The following SEMA5A variants were observed in gnomAD, a reference collection of about 807,000 sequenced individuals.
SEMA5A encodes semaphorin 5A.
In SEMA5A, 55 loss-of-function variants were observed where a neutral mutation model predicts 135.5. That is an observed-to-expected ratio of 0.41 (90% CI 0.33 to 0.51). SEMA5A has a LOEUF of 0.51. Ranked by LOEUF, SEMA5A falls within the 20% of genes least tolerant of loss-of-function variation. The pLI, the probability that SEMA5A is intolerant of heterozygous loss-of-function variation, is 0.37. For missense variants in SEMA5A, 1,290 were observed against 1,419.9 expected, an observed-to-expected ratio of 0.91 and a Z score of 1.47; for synonymous variants, 580 against 546.5, an observed-to-expected ratio of 1.06 and a Z score of -0.85.
At chr5:9,093,280 T>C (rs932840959) in intron 16 of SEMA5A, among the ~76,000 whole-genome samples, 2 of 152,230 alleles carry the variant, frequency 1.3e-5, no homozygotes, top group Admixed American at 6.5e-5. Flanking sequence ...ATCAACATGC[T>C]TTCTTCCCTG....
Position 9,353,241 on chromosome 5 carries a change from A to AAGGGAAGGG in SEMA5A, c.125-15430_125-15429insCCCTTCCCT, listed in dbSNP as rs1561177448. Among the ~76,000 whole-genome samples the AAGGGAAGGG allele has an allele frequency of 2.9e-4, 28 of 95,226 alleles. 1 individual carries two copies. In the South Asian group the frequency reaches 6.9e-3, roughly 24 times the overall value. The allele number at this position is 95,226 out of a possible 152,430, so 62.5% of individuals were successfully genotyped here. ...GAAAGGAAAGGAAAGGAAAGGAAGGAAAGGGAAGGGAAGGGAAGGGAAGCA... is the reference window on the plus strand; with the variant it reads ...GAAAGGAAAGGAAAGGAAAGGAAGGAAGGGAAGGGAAGGGAAGGGAAGGGAAGGGAAGCA... On this transcript the variant is annotated intron_variant, in intron 3 of 22. Transcript: ENST00000382496.
At chr5:9,164,509 T>A (rs921059505) in intron 11 of SEMA5A, among the ~76,000 whole-genome samples, 19 of 152,114 alleles carry the variant, frequency 1.2e-4, no homozygotes, top group Non-Finnish European at 2.6e-4. Flanking sequence ...CTTGTACTCA[T>A]ATTATGAATA....
At chr5:9,508,007 A>T (rs1001169626) in intron 1 of SEMA5A, among the ~76,000 whole-genome samples, 3 of 35,294 alleles carry the variant, frequency 8.5e-5, no homozygotes, top group Non-Finnish European at 2.1e-4. Context: ...CTGTCTCAAA[A>T]AAAAAAAAAA....
chr5:9,215,405 C>T (rs1746563514), intron 8 of SEMA5A, among the ~76,000 whole-genome samples: 1 of 152,154 alleles, frequency 6.6e-6, no homozygotes, highest in South Asian at 2.1e-4. Context: ...ATGAATGTGA[C>T]CTTATCTGGA....
In SEMA5A at chr5:9,040,558, G is replaced by A. The variant is rs1037162790; in HGVS notation, c.*2339C>T. ...TATTCTGTCAAATAAGAGAGAGAGA[G>A]AAAGGAAGAGAGATAAACAATTTTC... On this transcript the variant is annotated 3_prime_UTR_variant, in exon 23 of 23. Coordinates refer to ENST00000382496, the MANE Select transcript of SEMA5A (RefSeq NM_003966.3). The A allele has an allele frequency of 6.6e-6, 1 of 152,198 alleles. No homozygotes were observed. Among genetic ancestry groups the A allele is most frequent in the African/African-American group, 2.4e-5 (1 of 41,456 alleles). 9.4% of individuals were successfully genotyped at this position (152,198 alleles called of 1,614,324 possible). A position where few individuals can be genotyped will look rare whatever the true frequency, so the allele number is the denominator to read the frequency against.
intron 17 of SEMA5A, among the ~76,000 whole-genome samples, chr5:9,064,404 T>C (rs55669452): frequency 0.023 from 3,477 of 152,252 alleles, 53 homozygotes; most frequent in Non-Finnish European, 0.035. Flanking sequence ...AAATGCCCAT[T>C]GATGATAGAC....
chr5:9,054,366 G>T, intron 18 of SEMA5A, 109 bp from the exon 19 acceptor site: 1 of 1,378,832 alleles, frequency 7.3e-7, no homozygotes, highest in Non-Finnish European at 9.7e-7. Context: ...GAAACAAAAT[G>T]GAATCTGCAC....
At chr5:9,519,800 C>A (rs763295667) in intron 1 of SEMA5A, 1 of 152,192 alleles carries the variant, frequency 6.6e-6, no homozygotes, top group Admixed American at 6.5e-5. Flanking sequence ...AATTGGATCG[C>A]GGTCCAGTGC....
At chr5:9,044,197 G>A (rs1736116613) in intron 22 of SEMA5A, among the ~76,000 whole-genome samples, 176 bp downstream of exon 22, 1 of 152,170 alleles carries the variant, frequency 6.6e-6, no homozygotes, top group African/African-American at 2.4e-5. Flanking sequence ...TGGCTCCTGG[G>A]ACATAAGTTC....
chr5:9,386,205 C>T (rs1755881033), intron 2 of SEMA5A, among the ~76,000 whole-genome samples: 2 of 152,132 alleles, frequency 1.3e-5, no homozygotes, highest in African/African-American at 4.8e-5. Context: ...AGTCGCCTTC[C>T]AGACTGAATG....
At chr5:9,467,812 G>T (rs1759318008) in intron 1 of SEMA5A, among the ~76,000 whole-genome samples, 5 of 152,156 alleles carry the variant, frequency 3.3e-5, no homozygotes, top group Admixed American at 2.6e-4. Context: ...GCGGGAGGCT[G>T]GTTCCTTGTG....
Position 9,123,949 on chromosome 5 carries a change from C to T in SEMA5A, c.1600-1112G>A, listed in dbSNP as rs370466866. On this transcript the variant is annotated intron_variant, in intron 13 of 22. Transcript: ENST00000382496. ...TGCTCACAAGGTCTGGGAAGAGCAA[C>T]GAGGAGCCTGTGTTGAGTCTTAAAA... Among the ~76,000 whole-genome samples, 6 of 152,004 alleles carry T rather than the reference C, an allele frequency of 3.9e-5. No homozygotes were observed. The East Asian group carries it at 5.8e-4, about 15-fold the overall frequency.
intron 3 of SEMA5A, among the ~76,000 whole-genome samples, chr5:9,354,065 C>G (rs1280923504): frequency 6.6e-6 from 1 of 152,124 alleles, no homozygotes; most frequent in Non-Finnish European, 1.5e-5. Context: ...CCCAGCAACC[C>G]CCAGAGAGCT....
At chr5:9,514,074 C>T (rs1395732534) in intron 1 of SEMA5A, among the ~76,000 whole-genome samples, 1 of 152,122 alleles carries the variant, frequency 6.6e-6, no homozygotes, top group Non-Finnish European at 1.5e-5. Context: ...CCTTCCTTGC[C>T]TTTTCCAGCT....
At chr5:9,459,378 C>T (rs1219754838) in intron 1 of SEMA5A, among the ~76,000 whole-genome samples, 1 of 152,232 alleles carries the variant, frequency 6.6e-6, no homozygotes, top group Non-Finnish European at 1.5e-5. Context: ...TGGCAGCTTC[C>T]CTTTCTCCCT....
chr5:9,251,524 T>C (rs1370057516), intron 5 of SEMA5A, among the ~76,000 whole-genome samples: 1 of 152,214 alleles, frequency 6.6e-6, no homozygotes, highest in African/African-American at 2.4e-5. Flanking sequence ...ATGACTCTGA[T>C]TTCTCAAGTT....
At chr5:9,048,186 T>G (rs948485974) in intron 21 of SEMA5A, among the ~76,000 whole-genome samples, 1 of 152,198 alleles carries the variant, frequency 6.6e-6, no homozygotes, top group Non-Finnish European at 1.5e-5. Flanking sequence ...CCAGGGCTAC[T>G]GTGGCTCGAG....
rs143529722 is a variant in SEMA5A, at chr5:9,068,991, C to T, written c.2074-2345G>A. ...AGAGTCATGAAGGATGTGCTCAGGTCGCCCAGCAGCTAGTTGTGATGACGT... is the reference window on the plus strand; with the variant it reads ...AGAGTCATGAAGGATGTGCTCAGGTTGCCCAGCAGCTAGTTGTGATGACGT... On this transcript the variant is annotated intron_variant, in intron 16 of 22. Transcript: ENST00000382496. Among the ~76,000 whole-genome samples the T allele has an allele frequency of 5.0e-3, 755 of 152,280 alleles. 9 individuals are homozygous for T. The highest frequency in any genetic ancestry group is 0.018 in the African/African-American group (737 of 41,556).
At chr5:9,523,437 T>A (rs1216251542) in intron 1 of SEMA5A, among the ~76,000 whole-genome samples, 1 of 152,204 alleles carries the variant, frequency 6.6e-6, no homozygotes, top group Non-Finnish European at 1.5e-5. Flanking sequence ...ATGTCTCATA[T>A]CTTAGCTATA....
Sources: allele counts gnomAD v4.1 joint callset (sites outside exome capture counted in the v4.1 genomes callset), GRCh38; gene constraint gnomAD v4.1.1; transcripts MANE v1.5; gene names NCBI Gene and HGNC (gene_info 2026-07-23, HGNC 2026-07-21).